Variants in COPG1 observed in about 807,000 individuals in gnomAD.
COPG1 encodes the protein coat protein complex I subunit gamma 1, also known as coatomer subunit gamma-1.
COPG1 carries 29 observed loss-of-function variants against 102.8 expected under a neutral mutation model. The observed-to-expected ratio is 0.28, with a 90% CI of 0.21 to 0.38. COPG1 has a LOEUF of 0.38. Ranked by LOEUF, COPG1 falls within the 10% of genes least tolerant of loss-of-function variation. The pLI is 1.00. For missense variants in COPG1, 875 were observed against 1,132.7 expected, an observed-to-expected ratio of 0.77 and a Z score of 3.27; for synonymous variants, 406 against 421.6, an observed-to-expected ratio of 0.96 and a Z score of 0.45.
intron 10 of COPG1, among the ~76,000 whole-genome samples, chr3:129,259,771 C>G (rs1939889488): frequency 6.6e-6 from 1 of 152,152 alleles, no homozygotes. Flanking sequence ...CCGAATGGCT[C>G]TCATCTAGTT....
Position 129,271,009 on chromosome 3 carries a change from TAC to T in COPG1, c.1844-756_1844-755del, listed in dbSNP as rs1940171753. On this transcript the variant is annotated intron_variant, in intron 18 of 23. Coordinates refer to ENST00000314797, the MANE Select transcript of COPG1 (RefSeq NM_016128.4). The surrounding 1 kb of genome is among the most constrained non-coding windows in gnomAD (Gnocchi z 4.7). Reference sequence around the variant, plus strand: ...TGCCGCCAACCCCTAGTAATTCTGATACAGTTGATCCATGGTCATAGTGCGAG... The same window carrying T: ...TGCCGCCAACCCCTAGTAATTCTGATAGTTGATCCATGGTCATAGTGCGAG... Among the ~76,000 whole-genome samples, 1 of 152,234 alleles carries T rather than the reference TAC, an allele frequency of 6.6e-6. No individual in the cohort carries two copies. The highest frequency in any genetic ancestry group is 2.1e-4 in the South Asian group (1 of 4,838).
At chr3:129,258,094 A>G (rs1576962742) in intron 10 of COPG1, among the ~76,000 whole-genome samples, 1 of 152,136 alleles carries the variant, frequency 6.6e-6, no homozygotes. Flanking sequence ...GCTCGGGTCC[A>G]CTCTGGAGCC....
At chr3:129,274,072 T>C (rs2107679878) in intron 21 of COPG1, 3 of 455,940 alleles carry the variant, frequency 6.6e-6, no homozygotes, top group South Asian at 3.1e-5. Flanking sequence ...AGAGTCACAG[T>C]TGAGGATGGA....
Position 129,267,074 on chromosome 3 carries a change from C to T in COPG1, c.1519C>T (p.Pro507Ser). Residue 507 changes from proline (P) to serine (S), a missense_variant, in exon 15 of 24, where the codon CCC becomes TCC. By Grantham distance (74) the Pro-to-Ser change is moderately conservative. Transcript: ENST00000314797. ...TGGAGCCCAGAATGAAGAGATGTTACCCAGTATCTTGGTGTTGCTGAAGAG... is the reference window on the plus strand; with the variant it reads ...TGGAGCCCAGAATGAAGAGATGTTATCCAGTATCTTGGTGTTGCTGAAGAG... ...KFGAQNEEML[P>S]SILVLLKRCV... 1 of 1,613,796 alleles carries T rather than the reference C, an allele frequency of 6.2e-7. No individual in the cohort carries two copies. Among genetic ancestry groups the T allele is most frequent in the Middle Eastern group, 1.6e-4 (1 of 6,062 alleles).
At chr3:129,258,303 C>A (rs988227643) in intron 10 of COPG1, among the ~76,000 whole-genome samples, 1 of 152,246 alleles carries the variant, frequency 6.6e-6, no homozygotes, top group Non-Finnish European at 1.5e-5. Flanking sequence ...ACTGGGCAAG[C>A]CTGGCAAGGC....
At chr3:129,254,557 G>C (rs1002503014) in intron 5 of COPG1, 111 bp from the exon 6 acceptor site, 1 of 692,852 alleles carries the variant, frequency 1.4e-6, no homozygotes. Context: ...TAGAGGGAGA[G>C]CACTGGTTAG....
intron 21 of COPG1, among the ~76,000 whole-genome samples, chr3:129,273,782 A>T (rs1390429362): frequency 6.6e-6 from 1 of 152,216 alleles, no homozygotes; most frequent in Non-Finnish European, 1.5e-5. Flanking sequence ...ATTTTAAGAC[A>T]TTTTGATTCC....
In COPG1 at chr3:129,250,677, C is replaced by T. The variant is rs780566347; in HGVS notation, c.38-5C>T. The T allele has an allele frequency of 4.3e-6, 7 of 1,613,542 alleles. No individual in the cohort carries two copies. Among genetic ancestry groups the T allele is most frequent in the South Asian group, 2.2e-5 (2 of 91,072 alleles). Reference sequence around the variant, plus strand: ...ACCTACCTTCTCCATTGTCCTTGACCGTAGGTGGAGGCTCCAACCCATTCC... The same window carrying T: ...ACCTACCTTCTCCATTGTCCTTGACTGTAGGTGGAGGCTCCAACCCATTCC... On this transcript the variant is annotated splice_polypyrimidine_tract_variant and splice_region_variant and intron_variant, in intron 1 of 23. Coordinates refer to ENST00000314797, the MANE Select transcript of COPG1 (RefSeq NM_016128.4).
At chr3:129,277,102 G>A (rs980835323) in intron 23 of COPG1, among the ~76,000 whole-genome samples, 192 bp from the exon 24 acceptor site, 2 of 151,976 alleles carry the variant, frequency 1.3e-5, no homozygotes, top group African/African-American at 4.8e-5. Context: ...AATTACAAGC[G>A]TGAGCCACCG....
At chr3:129,268,654 G>T (rs1198715341) in intron 17 of COPG1, 34 bp downstream of exon 17, 1 of 1,609,692 alleles carries the variant, frequency 6.2e-7, no homozygotes, top group Non-Finnish European at 8.5e-7. Flanking sequence ...GGCCATCAAG[G>T]CCAGGCCTCT....
chr3:129,274,108 C>A (rs1469475869), intron 21 of COPG1: 11 of 455,918 alleles, frequency 2.4e-5, no homozygotes, highest in African/African-American at 2.2e-4. Flanking sequence ...CTGGAAATGA[C>A]CCCGAGGCAG....
intron 12 of COPG1, among the ~76,000 whole-genome samples, chr3:129,263,286 G>A (rs1185134955): frequency 6.6e-6 from 1 of 152,104 alleles, no homozygotes; most frequent in Non-Finnish European, 1.5e-5. Flanking sequence ...AAAAGATGGG[G>A]TATTGGATGA....
At chr3:129,263,752 AAGCG>A (rs1939993976) in intron 12 of COPG1, 148 bp from the exon 13 acceptor site, 1 of 665,208 alleles carries the variant, frequency 1.5e-6, no homozygotes, top group African/African-American at 1.9e-5. Context: ...TTCAAGCTTC[AAGCG>A]TGGAGTTGAG....
rs1395757493 is a variant in COPG1, at chr3:129,265,789, G to T, written c.1465G>T (p.Ala489Ser). Reference protein sequence around the residue: ...RVVLEHEEVRAGAVSALAKFG... With the variant: ...RVVLEHEEVRSGAVSALAKFG... ...GGTCTTGGAGCATGAGGAGGTCCGG[G>T]CAGGTAGGTCTGAGCCAGGGCTGAA... is the stretch of plus-strand genomic sequence containing the variant. The change falls in exon 14 of 24, where the codon GCA becomes TCA. Residue 489 changes from alanine (A) to serine (S), a missense_variant. Coordinates refer to ENST00000314797, the MANE Select transcript of COPG1 (RefSeq NM_016128.4). 1.2e-6 allele frequency: 2 copies of T among 1,613,890 alleles called. No homozygotes were observed. Among genetic ancestry groups the T allele is most frequent in the Admixed American group, 3.3e-5 (2 of 59,990 alleles).
intron 14 of COPG1, among the ~76,000 whole-genome samples, chr3:129,266,068 T>G (rs1238655036): frequency 1.3e-5 from 2 of 151,298 alleles, no homozygotes; most frequent in Non-Finnish European, 2.9e-5. Flanking sequence ...GCCTCCCGGG[T>G]TCAAGCGATT....
intron 23 of COPG1, among the ~76,000 whole-genome samples, chr3:129,276,759 A>G (rs1351481801): frequency 6.6e-6 from 1 of 151,286 alleles, no homozygotes; most frequent in Non-Finnish European, 1.5e-5. Flanking sequence ...AGCCTGAAAT[A>G]TGGTATTATC....
chr3:129,258,388 A>T (rs553858181), intron 10 of COPG1, among the ~76,000 whole-genome samples: 1 of 152,374 alleles, frequency 6.6e-6, no homozygotes, highest in African/African-American at 2.4e-5. Context: ...ATAGGGTTAT[A>T]TAGCCAGAAA....
At chr3:129,266,096 C>T (rs914261766) in intron 14 of COPG1, among the ~76,000 whole-genome samples, 4 of 151,900 alleles carry the variant, frequency 2.6e-5, no homozygotes, top group Non-Finnish European at 5.9e-5. Context: ...CTCAGCCTCC[C>T]GAGTAGGTGG....
intron 14 of COPG1, 108 bp from the exon 15 acceptor site, chr3:129,266,916 T>C (rs1333723834): frequency 2.2e-6 from 2 of 929,748 alleles, no homozygotes; most frequent in African/African-American, 3.3e-5. Context: ...TTGAGACTTC[T>C]TGCCTCTGGG....
Sources: gnomAD v4.1 joint callset for allele counts (sites outside exome capture counted in the v4.1 genomes callset) on GRCh38, gnomAD v4.1.1 for gene constraint, Gnocchi (gnomAD v3.1) non-coding constraint, MANE v1.5 for transcripts, NCBI Gene and HGNC (gene_info 2026-07-23, HGNC 2026-07-21) for gene names.